KIF13B: variants seen among roughly 807,000 people sequenced by gnomAD.
KIF13B encodes kinesin-like protein KIF13B.
KIF13B carries 127 observed loss-of-function variants against 222.0 expected under a neutral mutation model. The ratio of observed to expected loss-of-function variants is 0.57; its 90% CI spans 0.50 to 0.66. KIF13B has a LOEUF of 0.66. Among genes scored for constraint, KIF13B ranks in the 30% least tolerant of loss-of-function variants. KIF13B has a pLI of 0.00. For synonymous variants in KIF13B, 976 were observed against 919.0 expected, an observed-to-expected ratio of 1.06 and a Z score of -1.12; for missense variants, 2,173 against 2,379.0, an observed-to-expected ratio of 0.91 and a Z score of 1.80.
intron 2 of KIF13B, among the ~76,000 whole-genome samples, chr8:29,201,070 ACT>A (rs1813672885): frequency 6.6e-6 from 1 of 152,030 alleles, no homozygotes; most frequent in Admixed American, 6.6e-5. Flanking sequence ...CTATGTAAAC[ACT>A]CTGTTTCTCA....
intron 20 of KIF13B, 128 bp downstream of exon 20, chr8:29,140,340 G>A: frequency 7.2e-7 from 1 of 1,380,370 alleles, no homozygotes; most frequent in South Asian, 1.4e-5. Context: ...TCTACCCTAA[G>A]AGTCCTTGGA....
At chr8:29,201,259 C>T (rs1813680174) in intron 2 of KIF13B, among the ~76,000 whole-genome samples, 1 of 152,202 alleles carries the variant, frequency 6.6e-6, no homozygotes, top group Admixed American at 6.5e-5. Flanking sequence ...AACAATATGG[C>T]TGCATATCTG....
Position 29,263,005 on chromosome 8 carries a change from C to T in KIF13B, c.30G>A (p.Val10=). The T allele has an allele frequency of 6.3e-7, 1 of 1,598,690 alleles. No homozygotes were observed. MGDSKVKVA[V]RIRPMNRRET... is the part of the protein sequence containing the mutation. ...CTCGCCGGTTCATGGGTCGTATCCG[C>T]ACCGCCACTTTCACTTTGGAGTCCC... Residue 10 remains valine, a synonymous_variant, in exon 1 of 40, where the codon GTG becomes GTA. Coordinates refer to ENST00000524189, the MANE Select transcript of KIF13B (RefSeq NM_015254.4).
intron 2 of KIF13B, among the ~76,000 whole-genome samples, chr8:29,212,319 G>C (rs188050663): frequency 3.7e-4 from 56 of 152,278 alleles, no homozygotes; most frequent in Admixed American, 7.2e-4. Flanking sequence ...CCGTCAGCAA[G>C]ACATGAGAGT....
At position 29,116,848 on chromosome 8, in the gene KIF13B, T is replaced by C; in HGVS notation, c.3820A>G (p.Asn1274Asp). The change falls in exon 31 of 40, where the codon AAT becomes GAT. Residue 1274 changes from asparagine (N) to aspartate (D), a missense_variant. Asn to Asp is a conservative substitution (Grantham distance 23). Transcript: ENST00000524189. ...AGACTAACCTGGCGGCCGTGAACAT[T>C]GACACAGATTCTCTTGCGTAACACC... ...QLVLRKRICV[N>D]VHGRQGFAQS... 1.2e-6 allele frequency: 2 copies of C among 1,604,186 alleles called. No individual in the cohort carries two copies. Among genetic ancestry groups the C allele is most frequent in the African/African-American group, 1.3e-5 (1 of 74,470 alleles).
chr8:29,217,500 AGAAC>A (rs560529036), intron 2 of KIF13B, among the ~76,000 whole-genome samples: 166 of 152,368 alleles, frequency 1.1e-3, no homozygotes, highest in African/African-American at 3.7e-3. Context: ...TATGAAGATT[AGAAC>A]AGTGCCTGGC....
At chr8:29,164,413 C>G (rs1371234736) in intron 12 of KIF13B, among the ~76,000 whole-genome samples, 1 of 152,162 alleles carries the variant, frequency 6.6e-6, no homozygotes, top group Non-Finnish European at 1.5e-5. Flanking sequence ...AATAGATGAA[C>G]AACTTGGGTA....
intron 13 of KIF13B, among the ~76,000 whole-genome samples, chr8:29,157,830 C>CAACA (rs1811605345): frequency 1.1e-5 from 1 of 94,048 alleles, no homozygotes. Flanking sequence ...GACCCTGCCT[C>CAACA]AAAAAAAAAA....
In KIF13B at chr8:29,235,280, A is replaced by T. The variant is rs577738589; in HGVS notation, c.149+10066T>A. ...TGCTTTGGGAGTCTAGAAAGGTTAC[A>T]GTAATGCAAATGTCGTCCATCTGCA... On this transcript the variant is annotated intron_variant, in intron 2 of 39. Coordinates refer to ENST00000524189, the MANE Select transcript of KIF13B (RefSeq NM_015254.4). Among the ~76,000 whole-genome samples the T allele has an allele frequency of 9.8e-5, 15 of 152,358 alleles. No individual in the cohort carries two copies. In the East Asian group the frequency reaches 2.7e-3, roughly 27 times the overall value.
At chr8:29,161,102 T>C (rs975544328) in intron 12 of KIF13B, among the ~76,000 whole-genome samples, 3 of 152,256 alleles carry the variant, frequency 2.0e-5, no homozygotes, top group Non-Finnish European at 2.9e-5. Context: ...CTAATTGTAC[T>C]AGTGATTCTC....
At chr8:29,182,486 C>T (rs1450556638) in intron 6 of KIF13B, among the ~76,000 whole-genome samples, 2 of 152,172 alleles carry the variant, frequency 1.3e-5, no homozygotes, top group South Asian at 2.1e-4. Context: ...GAGCCATGCG[C>T]TTTAATCACA....
Position 29,071,949 on chromosome 8 carries a change from G to A in KIF13B, c.4889C>T (p.Pro1630Leu). ...CTCGAGGTCGGGGCGCTCCCGACCG[G>A]GGCTCACGAGCTGCTGGGGGCCAGG... ...EPPGPQQLVS[P>L]GRERPDLEAP... The change falls in exon 39 of 40, where the codon CCC becomes CTC. Residue 1630 changes from proline (P) to leucine (L), a missense_variant. Pro to Leu is a moderately conservative substitution (Grantham distance 98, BLOSUM62 -3). Transcript: ENST00000524189. The surrounding 1 kb of genome is among the most constrained non-coding windows in gnomAD (Gnocchi z 4.9). The A allele has an allele frequency of 2.2e-6, 3 of 1,366,924 alleles. No individual in the cohort carries two copies. The highest frequency in any genetic ancestry group is 2.8e-6 in the Non-Finnish European group (3 of 1,067,112). 84.7% of individuals were successfully genotyped at this position (1,366,924 alleles called of 1,614,324 possible). A position where few individuals can be genotyped will look rare whatever the true frequency, so the allele number is the denominator to read the frequency against.
chr8:29,107,562 CTTTTT>C (rs35539806), intron 35 of KIF13B, among the ~76,000 whole-genome samples: 2 of 134,814 alleles, frequency 1.5e-5, no homozygotes, highest in South Asian at 2.4e-4. Flanking sequence ...TTTGAAGTTT[CTTTTT>C]TTTTTTTTTT....
intron 3 of KIF13B, among the ~76,000 whole-genome samples, chr8:29,193,581 C>T (rs1813284159): frequency 6.6e-6 from 1 of 152,198 alleles, no homozygotes; most frequent in Non-Finnish European, 1.5e-5. Context: ...GTTCTCACTT[C>T]AAAAGCCCTA....
chr8:29,141,405 T>C (rs1263180368), intron 19 of KIF13B, among the ~76,000 whole-genome samples: 1 of 152,054 alleles, frequency 6.6e-6, no homozygotes, highest in Non-Finnish European at 1.5e-5. Flanking sequence ...ATTTCTAAGT[T>C]GAAATAGGAG....
chr8:29,207,301 G>A (rs957893472), intron 2 of KIF13B, among the ~76,000 whole-genome samples: 3 of 152,124 alleles, frequency 2.0e-5, no homozygotes, highest in African/African-American at 7.2e-5. Flanking sequence ...TTGCCCTGGT[G>A]ATAGCCTACT....
intron 2 of KIF13B, among the ~76,000 whole-genome samples, chr8:29,211,130 G>A (rs1814202006): frequency 6.6e-6 from 1 of 152,244 alleles, no homozygotes; most frequent in African/African-American, 2.4e-5. Context: ...GGTCTGGCCA[G>A]AGGGGTCACC....
chr8:29,112,634 C>T (rs1233717739), intron 32 of KIF13B, among the ~76,000 whole-genome samples: 1 of 152,244 alleles, frequency 6.6e-6, no homozygotes, highest in Non-Finnish European at 1.5e-5. Context: ...GAAATCTCCA[C>T]CCCCTTGCCC....
chr8:29,167,358 G>T lies in KIF13B; in HGVS notation c.1158+15C>A. ...CTTCCTGGACTCACAGGGCGCACGC[G>T]GTGGTGCCTCCTACCTCTGCTTTGG... On this transcript the variant is annotated intron_variant, in intron 11 of 39. Transcript: ENST00000524189. The T allele has an allele frequency of 1.3e-6, 2 of 1,599,916 alleles. No homozygotes were observed. The highest frequency in any genetic ancestry group is 3.3e-5 in the Admixed American group (2 of 59,760).
Sources: allele counts gnomAD v4.1 joint callset (sites outside exome capture counted in the v4.1 genomes callset), GRCh38; gene constraint gnomAD v4.1.1; non-coding constraint Gnocchi (gnomAD v3.1); transcripts MANE v1.5; gene names NCBI Gene and HGNC (gene_info 2026-07-23, HGNC 2026-07-21).